Variants in SGIP1 observed in about 807,000 individuals in gnomAD.
The protein encoded by SGIP1 is SH3-containing GRB2-like protein 3-interacting protein 1.
A neutral mutation model predicts 107.5 loss-of-function variants in SGIP1; 38 were observed. That is an observed-to-expected ratio of 0.35 (90% confidence interval 0.27 to 0.46). The LOEUF (loss-of-function observed/expected upper bound fraction) is 0.46. Among genes scored for constraint, SGIP1 ranks in the 20% least tolerant of loss-of-function variants. The pLI is 1.00. For synonymous variants in SGIP1, 365 were observed against 366.1 expected (o/e 1.00, Z 0.03); for missense variants, 929 against 1,019.5 (o/e 0.91, Z 1.21).
intron 18 of SGIP1, among the ~76,000 whole-genome samples, chr1:66,706,556 G>GA (rs1340089630): frequency 6.7e-6 from 1 of 149,266 alleles, no homozygotes; most frequent in East Asian, 2.0e-4. Flanking sequence ...GATGACAAAA[G>GA]AAAAAAGAAA....
intron 23 of SGIP1, 24 bp downstream of exon 23, chr1:66,740,746 T>G (rs757012414): frequency 6.5e-7 from 1 of 1,529,290 alleles, no homozygotes; most frequent in Non-Finnish European, 9.0e-7. Context: ...AAGTTTATTT[T>G]ATTTAACATG....
In SGIP1 at chr1:66,733,829, T is replaced by C. The variant is rs2094120928; in HGVS notation, c.1980T>C (p.Ser660=). ...TGATGACTCACCTAAAGAAAGTGTC[T>C]GAACAAAAACCCCAGGCTACATATT... The part of the protein sequence containing the change: ...PNLMTHLKKV[S]EQKPQATYYN... The change falls in exon 21 of 25, where the codon TCT becomes TCC. Residue 660 remains serine (S), a synonymous_variant. Coordinates refer to ENST00000371037, the MANE Select transcript of SGIP1 (RefSeq NM_032291.4). The C allele has an allele frequency of 6.2e-7, 1 of 1,613,530 alleles. No homozygotes were observed. The highest frequency in any genetic ancestry group is 1.3e-5 in the African/African-American group (1 of 74,896).
At chr1:66,645,806 G>A (rs893057372) in intron 7 of SGIP1, among the ~76,000 whole-genome samples, 17 of 152,256 alleles carry the variant, frequency 1.1e-4, no homozygotes, top group East Asian at 7.7e-4. Flanking sequence ...TTGATAACCC[G>A]TGTGTAAATA....
chr1:66,739,334 G>T lies in SGIP1; in HGVS notation c.2032-1G>T. On this transcript the variant is annotated splice_acceptor_variant, in intron 21 of 24. Transcript: ENST00000371037. LOFTEE classifies it high-confidence loss of function. ...TATTTTCTTTCCTGTCGTTCGGCAA[G>T]GTGTCTGCCCAGGGCATTCAGTCCA... The T allele has an allele frequency of 6.2e-7, 1 of 1,606,914 alleles. No individual in the cohort carries two copies. The highest frequency in any genetic ancestry group is 8.5e-7 in the Non-Finnish European group (1 of 1,179,772).
chr1:66,618,387 G>A (rs1414422776), intron 1 of SGIP1, among the ~76,000 whole-genome samples: 7 of 152,106 alleles, frequency 4.6e-5, no homozygotes, highest in Non-Finnish European at 8.8e-5. Flanking sequence ...GCAAACATCA[G>A]CAAAAGTCAT....
At chr1:66,542,004 G>C (rs1030695393) in intron 1 of SGIP1, among the ~76,000 whole-genome samples, 1 of 152,100 alleles carries the variant, frequency 6.6e-6, no homozygotes, top group Non-Finnish European at 1.5e-5. Flanking sequence ...GAAAGAATAA[G>C]TACGGTAATC....
In SGIP1 at chr1:66,744,616, C is replaced by A. The variant is rs1417399103; in HGVS notation, c.*1521C>A. Reference sequence around the variant, plus strand: ...TCAAATTTAACAAAGAATCTTTAGCCCCTTTAAATTTTAGAATTAAATTAA... The same window carrying A: ...TCAAATTTAACAAAGAATCTTTAGCACCTTTAAATTTTAGAATTAAATTAA... On this transcript the variant is annotated 3_prime_UTR_variant, in exon 25 of 25. Coordinates refer to ENST00000371037, the MANE Select transcript of SGIP1 (RefSeq NM_032291.4). The A allele has an allele frequency of 2.0e-5, 3 of 151,682 alleles. No homozygotes were observed. Among genetic ancestry groups the A allele is most frequent in the Non-Finnish European group, 4.4e-5 (3 of 67,810 alleles). The allele number at this position is 151,682 out of a possible 1,614,324, so 9.4% of individuals were successfully genotyped here. A position where few individuals can be genotyped will look rare whatever the true frequency, so the allele number is the denominator to read the frequency against.
intron 9 of SGIP1, among the ~76,000 whole-genome samples, chr1:66,670,379 A>G (rs2083493281): frequency 6.6e-6 from 1 of 152,242 alleles, no homozygotes; most frequent in African/African-American, 2.4e-5. Flanking sequence ...CATTACTTCC[A>G]ATTCATGAAT....
At chr1:66,637,860 C>T (rs1490251689) in intron 4 of SGIP1, among the ~76,000 whole-genome samples, 5 of 148,690 alleles carry the variant, frequency 3.4e-5, no homozygotes, top group Non-Finnish European at 4.5e-5. Flanking sequence ...TACATACACA[C>T]ATACATACAC....
intron 12 of SGIP1, 176 bp from the exon 13 acceptor site, chr1:66,676,828 T>G (rs2085478865): frequency 1.7e-6 from 1 of 598,742 alleles, no homozygotes; most frequent in South Asian, 2.1e-5. Context: ...ACCACACTCC[T>G]ATTTCTATTC....
At chr1:66,742,573 C>T (rs2094490424) in intron 24 of SGIP1, among the ~76,000 whole-genome samples, 1 of 146,242 alleles carries the variant, frequency 6.8e-6, no homozygotes, top group African/African-American at 2.6e-5. Context: ...GGGTTCATGC[C>T]ATTCTCCTGC....
intron 18 of SGIP1, 93 bp from the exon 19 acceptor site, chr1:66,719,201 T>G: frequency 1.3e-6 from 1 of 780,502 alleles, no homozygotes; most frequent in Non-Finnish European, 2.0e-6. Flanking sequence ...AGGGGTAGAT[T>G]TTATTCCTTA....
intron 19 of SGIP1, among the ~76,000 whole-genome samples, chr1:66,720,895 T>C (rs1001645534): frequency 6.6e-6 from 1 of 152,192 alleles, no homozygotes. Context: ...ATGAATCCTC[T>C]CGACACTTCA....
intron 2 of SGIP1, among the ~76,000 whole-genome samples, chr1:66,628,965 G>A (rs1211261164): frequency 6.6e-6 from 1 of 152,178 alleles, no homozygotes; most frequent in Non-Finnish European, 1.5e-5. Context: ...ATAAGCCTTT[G>A]CTTTTCATGA....
intron 1 of SGIP1, among the ~76,000 whole-genome samples, chr1:66,609,013 A>AGGTCACTTATATCCCACAGGGATGAT (rs2067394799): frequency 6.6e-6 from 1 of 152,066 alleles, no homozygotes; most frequent in Non-Finnish European, 1.5e-5. Flanking sequence ...ACAGGGATGA[A>AGGTCACTTATATCCCACAGGGATGAT]GGTCACTTAT....
chr1:66,611,776 G>T (rs2068061535), intron 1 of SGIP1, among the ~76,000 whole-genome samples: 1 of 152,172 alleles, frequency 6.6e-6, no homozygotes, highest in Non-Finnish European at 1.5e-5. Flanking sequence ...TTAGGTTTCT[G>T]GATGGAGCAT....
At chr1:66,613,419 T>G (rs2068469826) in intron 1 of SGIP1, among the ~76,000 whole-genome samples, 2 of 152,202 alleles carry the variant, frequency 1.3e-5, no homozygotes, top group South Asian at 4.1e-4. Flanking sequence ...AGCCTCTGCT[T>G]CTTGGGCTCA....
upstream of SGIP1, chr1:66,534,041 A>C: frequency 6.5e-6 from 3 of 460,882 alleles, no homozygotes; most frequent in Non-Finnish European, 7.8e-6. Context: ...GTATTGTGTC[A>C]GGAGATGCAG....
intron 21 of SGIP1, among the ~76,000 whole-genome samples, chr1:66,737,480 C>A (rs2094306602): frequency 6.6e-6 from 1 of 151,952 alleles, no homozygotes; most frequent in Admixed American, 6.6e-5. Flanking sequence ...ATCACTTGAG[C>A]CCAGGAGTTC....
Sources: gnomAD v4.1 joint callset for allele counts (sites outside exome capture counted in the v4.1 genomes callset) on GRCh38, gnomAD v4.1.1 for gene constraint, MANE v1.5 for transcripts, NCBI Gene and HGNC (gene_info 2026-07-23, HGNC 2026-07-21) for gene names.